Variants in ADAMTS3 observed in about 807,000 individuals in gnomAD.
The protein encoded by ADAMTS3 is A disintegrin and metalloproteinase with thrombospondin motifs 3.
ADAMTS3 carries 73 observed loss-of-function variants against 129.0 expected under a neutral mutation model. The observed-to-expected ratio is 0.57, with a 90% CI of 0.47 to 0.69. ADAMTS3 has a LOEUF of 0.69. ADAMTS3 is among the 30% of genes least tolerant of loss of function. ADAMTS3 has a pLI of 0.00. For missense variants in ADAMTS3, 1,457 were observed against 1,514.5 expected (o/e 0.96, Z 0.63); for synonymous variants, 477 against 510.8 (o/e 0.93, Z 0.89).
intron 3 of ADAMTS3, among the ~76,000 whole-genome samples, chr4:72,471,205 A>C (rs1362071225): frequency 1.3e-5 from 2 of 152,172 alleles, no homozygotes; most frequent in African/African-American, 2.4e-5. Context: ...TTCAAGCAAA[A>C]ATTAGAAACT....
At chr4:72,503,643 C>T (rs1386001266) in intron 3 of ADAMTS3, among the ~76,000 whole-genome samples, 1 of 152,114 alleles carries the variant, frequency 6.6e-6, no homozygotes, top group African/African-American at 2.4e-5. Flanking sequence ...AATTTAAGTC[C>T]AGAATTTCTT....
chr4:72,392,128 T>G (rs1165604445), intron 4 of ADAMTS3, among the ~76,000 whole-genome samples: 1 of 152,140 alleles, frequency 6.6e-6, no homozygotes, highest in African/African-American at 2.4e-5. Flanking sequence ...AGTGACCCCT[T>G]AGACCTCACT....
chr4:72,514,988 C>A (rs897313103), intron 3 of ADAMTS3, among the ~76,000 whole-genome samples: 1 of 151,866 alleles, frequency 6.6e-6, no homozygotes, highest in Non-Finnish European at 1.5e-5. Context: ...CTCCCCGCTA[C>A]CCCCACCCCA....
At chr4:72,319,239 C>A in intron 9 of ADAMTS3, 93 bp downstream of exon 9, 1 of 1,455,634 alleles carries the variant, frequency 6.9e-7, no homozygotes, top group Non-Finnish European at 9.4e-7. Context: ...TTTTCATTTA[C>A]TGGGAATTTT....
chr4:72,565,629 G>A (rs535006128), intron 2 of ADAMTS3, among the ~76,000 whole-genome samples: 2 of 152,286 alleles, frequency 1.3e-5, no homozygotes, highest in African/African-American at 4.8e-5. Flanking sequence ...TAATAAAAGA[G>A]AGAAATCCCA....
At chr4:72,481,528 T>A (rs1035503224) in intron 3 of ADAMTS3, among the ~76,000 whole-genome samples, 116 of 152,252 alleles carry the variant, frequency 7.6e-4, no homozygotes, top group Middle Eastern at 3.4e-3. Flanking sequence ...AAATTTTATA[T>A]CTGAAGCAAA....
chr4:72,480,154 A>G (rs1293579442), intron 3 of ADAMTS3, among the ~76,000 whole-genome samples: 1 of 152,218 alleles, frequency 6.6e-6, no homozygotes, highest in Non-Finnish European at 1.5e-5. Context: ...TCAGGGATCT[A>G]GAACTAGAAA....
At chr4:72,496,724 G>A (rs1018819289) in intron 3 of ADAMTS3, among the ~76,000 whole-genome samples, 1 of 152,076 alleles carries the variant, frequency 6.6e-6, no homozygotes, top group South Asian at 2.1e-4. Context: ...CTCTTTGAAC[G>A]GCTGGGATAT....
chr4:72,526,996 T>A (rs1012989776), intron 3 of ADAMTS3, among the ~76,000 whole-genome samples: 7 of 152,008 alleles, frequency 4.6e-5, no homozygotes, highest in African/African-American at 1.7e-4. Flanking sequence ...GTTAAGATGA[T>A]TCCTATAAAG....
chr4:72,454,962 CTG>C (rs1157950714), intron 3 of ADAMTS3, among the ~76,000 whole-genome samples: 1 of 151,702 alleles, frequency 6.6e-6, no homozygotes, highest in Non-Finnish European at 1.5e-5. Context: ...TTTAAACACA[CTG>C]TATTGATTTT....
At chr4:72,316,406 C>A (rs1478312793) in intron 10 of ADAMTS3, among the ~76,000 whole-genome samples, 1 of 152,076 alleles carries the variant, frequency 6.6e-6, no homozygotes, top group Non-Finnish European at 1.5e-5. Context: ...AATAAAAGGG[C>A]TGGGCACAGT....
At position 72,392,546 on chromosome 4, in the gene ADAMTS3, A is replaced by G. The variant is rs534311112; in HGVS notation, c.661+22269T>C. 7.2e-5 allele frequency among the ~76,000 whole-genome samples: 11 copies of G among 152,316 alleles called. No homozygotes were observed. The South Asian group carries it at 2.3e-3, about 32-fold the overall frequency. On this transcript the variant is annotated intron_variant, in intron 4 of 21. Transcript: ENST00000286657. ...ATTTTTCTTGTCTCTACCTGACCCT[A>G]AATTGCACTGGGGTAAGATGCTAGC...
chr4:72,448,214 A>G (rs999321497), intron 3 of ADAMTS3, among the ~76,000 whole-genome samples: 6 of 151,724 alleles, frequency 4.0e-5, no homozygotes, highest in East Asian at 2.0e-4. Flanking sequence ...ATTTTCATCA[A>G]TTGGTGGATA....
chr4:72,332,494 C>A (rs535423650), intron 5 of ADAMTS3, among the ~76,000 whole-genome samples: 1 of 152,194 alleles, frequency 6.6e-6, no homozygotes, highest in East Asian at 1.9e-4. Context: ...TTTATAATTT[C>A]GTAGAAGTCC....
chr4:72,399,642 TAA>T (rs1480291761), intron 4 of ADAMTS3, among the ~76,000 whole-genome samples: 1 of 151,642 alleles, frequency 6.6e-6, no homozygotes, highest in Non-Finnish European at 1.5e-5. Context: ...TCAAATGAAA[TAA>T]GTTTTCAGGA....
intron 4 of ADAMTS3, among the ~76,000 whole-genome samples, chr4:72,377,555 G>T (rs1037746947): frequency 6.6e-6 from 1 of 152,152 alleles, no homozygotes; most frequent in Admixed American, 6.6e-5. Context: ...GTCCCAGTAT[G>T]ACTGGTCTAT....
intron 2 of ADAMTS3, among the ~76,000 whole-genome samples, chr4:72,550,598 T>G (rs1242460884): frequency 6.6e-6 from 1 of 152,136 alleles, no homozygotes; most frequent in African/African-American, 2.4e-5. Flanking sequence ...GAAGCCTGAT[T>G]CCAAAACTGG....
intron 4 of ADAMTS3, among the ~76,000 whole-genome samples, chr4:72,359,650 T>G (rs1213873590): frequency 1.3e-5 from 2 of 152,022 alleles, no homozygotes; most frequent in Non-Finnish European, 2.9e-5. Context: ...CCTAACACCT[T>G]GTTTGGTTTA....
intron 3 of ADAMTS3, among the ~76,000 whole-genome samples, chr4:72,506,081 G>A (rs1720152659): frequency 6.6e-6 from 1 of 152,224 alleles, no homozygotes; most frequent in Non-Finnish European, 1.5e-5. Context: ...GAAAGATGCG[G>A]TGACTCAGGC....
Sources: allele counts gnomAD v4.1 joint callset (sites outside exome capture counted in the v4.1 genomes callset), GRCh38; gene constraint gnomAD v4.1.1; transcripts MANE v1.5; gene names NCBI Gene and HGNC (gene_info 2026-07-23, HGNC 2026-07-21).